Variants in CYRIB observed in about 807,000 individuals in gnomAD.
The protein encoded by CYRIB is CYFIP related Rac1 interactor B.
A neutral mutation model predicts 44.2 loss-of-function variants in CYRIB; 8 were observed. The observed-to-expected ratio is 0.18, with a 90% confidence interval of 0.11 to 0.33. CYRIB has a LOEUF of 0.33. CYRIB is among the 10% of genes least tolerant of loss of function. The pLI is 1.00. For missense variants in CYRIB, 185 were observed against 382.8 expected, an observed-to-expected ratio of 0.48 and a Z score of 4.31; for synonymous variants, 131 against 127.2, an observed-to-expected ratio of 1.03 and a Z score of -0.20.
rs1026254005 is a variant in CYRIB at position 130,004,640 on chromosome 8, C to T, written c.-296+11730G>A. 1.9e-4 allele frequency: 29 copies of T among 151,668 alleles called. 1 individual carries two copies. Among genetic ancestry groups the T allele is most frequent in the Admixed American group, 1.9e-3 (29 of 15,180 alleles). 9.4% of individuals were successfully genotyped at this position (151,668 alleles called of 1,614,324 possible). A position where few individuals can be genotyped will look rare whatever the true frequency, so the allele number is the denominator to read the frequency against. The stretch of plus-strand genomic sequence containing the variant: ...TTGTATATTGTGCATTGTACTTTAT[C>T]GTATATTGTCTACTGCAGTTTCTTT... On this transcript the variant is annotated intron_variant, in intron 1 of 14. Transcript: ENST00000401979.
chr8:129,940,121 C>T (rs1475851796), upstream of CYRIB, among the ~76,000 whole-genome samples: 4 of 152,278 alleles, frequency 2.6e-5, no homozygotes, highest in East Asian at 3.9e-4. Context: ...GGTCTTCCAG[C>T]CTTCCAGATG....
At chr8:129,880,535 G>T in intron 2 of CYRIB, 2 of 634,206 alleles carry the variant, frequency 3.2e-6, no homozygotes, top group Non-Finnish European at 3.9e-6. Context: ...GCAAAGGCTG[G>T]CTTGCTCATA....
chr8:129,959,646 G>A (rs765014746), intron 2 of CYRIB, among the ~76,000 whole-genome samples: 2 of 152,086 alleles, frequency 1.3e-5, no homozygotes, highest in Non-Finnish European at 2.9e-5. Flanking sequence ...AAAGGTGAGT[G>A]TCTAATAAGA....
chr8:129,971,879 CCA>C (rs1466710571), intron 1 of CYRIB, among the ~76,000 whole-genome samples: 1 of 152,194 alleles, frequency 6.6e-6, no homozygotes, highest in Non-Finnish European at 1.5e-5. Flanking sequence ...TTTCATAAAA[CCA>C]CAGTTAACAT....
upstream of CYRIB, among the ~76,000 whole-genome samples, chr8:129,944,042 T>G (rs2093960791): frequency 6.6e-6 from 1 of 151,442 alleles, no homozygotes. Flanking sequence ...ACACTGAGAT[T>G]GTAAAGGACA....
chr8:129,980,329 C>T (rs540193560), intron 1 of CYRIB, among the ~76,000 whole-genome samples: 5 of 151,862 alleles, frequency 3.3e-5, no homozygotes, highest in Admixed American at 6.6e-5. Flanking sequence ...CTGATTTTTG[C>T]GGTGGGGGAG....
At chr8:129,904,047 C>T (rs1392532929) in intron 1 of CYRIB, among the ~76,000 whole-genome samples, 1 of 152,134 alleles carries the variant, frequency 6.6e-6, no homozygotes, top group Non-Finnish European at 1.5e-5. Context: ...AGCCACCATG[C>T]CGGGCTTGGT....
At chr8:129,939,053 G>A (rs1365252104) in intron 1 of CYRIB, among the ~76,000 whole-genome samples, 1 of 152,198 alleles carries the variant, frequency 6.6e-6, no homozygotes, top group East Asian at 1.9e-4. Flanking sequence ...ATCTGGCCGC[G>A]CAGGTGGAAG....
At chr8:129,991,167 C>T (rs935342614) in intron 1 of CYRIB, among the ~76,000 whole-genome samples, 5 of 148,762 alleles carry the variant, frequency 3.4e-5, no homozygotes, top group African/African-American at 7.4e-5. Flanking sequence ...GTACAACAGG[C>T]GAGGAGTTGA....
At chr8:129,947,694 T>C (rs1810756145) in intron 2 of CYRIB, 1 of 152,208 alleles carries the variant, frequency 6.6e-6, no homozygotes, top group African/African-American at 2.4e-5. Flanking sequence ...ACACCCATGA[T>C]CCAACCACCC....
At position 129,879,383 on chromosome 8, in the gene CYRIB, T is replaced by C; in HGVS notation, c.73+6A>G. 1 of 1,597,128 alleles carries C rather than the reference T, an allele frequency of 6.3e-7. No homozygotes were observed. Among genetic ancestry groups the C allele is most frequent in the Non-Finnish European group, 8.6e-7 (1 of 1,166,460 alleles). On this transcript the variant is annotated splice_donor_region_variant and intron_variant, in intron 3 of 11. Transcript: ENST00000519824. ...AAGAGAAATAGATATAAAATCATCT[T>C]CTCACTTTCAAAATCAAGGAAAAAA... is the stretch of plus-strand genomic sequence containing the variant.
intron 1 of CYRIB, among the ~76,000 whole-genome samples, chr8:130,009,520 G>A (rs963694537): frequency 1.1e-4 from 16 of 152,108 alleles, no homozygotes; most frequent in African/African-American, 1.7e-4. Context: ...CACCCGCCTC[G>A]GCCTTCCAAA....
At chr8:129,986,649 C>T (rs996569483) in intron 1 of CYRIB, among the ~76,000 whole-genome samples, 2 of 152,210 alleles carry the variant, frequency 1.3e-5, no homozygotes, top group Non-Finnish European at 2.9e-5. Context: ...ATGCTCTGCA[C>T]AGCCTCGGGA....
chr8:129,952,943 A>G (rs1441608317), intron 2 of CYRIB, among the ~76,000 whole-genome samples: 1 of 152,218 alleles, frequency 6.6e-6, no homozygotes, highest in East Asian at 1.9e-4. Flanking sequence ...AACACTTGGA[A>G]CTGTTACGTG....
At chr8:129,920,939 C>G (rs2083248777) in intron 1 of CYRIB, among the ~76,000 whole-genome samples, 1 of 152,006 alleles carries the variant, frequency 6.6e-6, no homozygotes. Flanking sequence ...GACCTTGCTT[C>G]CTTGAATTAA....
intron 2 of CYRIB, among the ~76,000 whole-genome samples, chr8:129,900,923 C>T (rs1295084707): frequency 2.6e-5 from 4 of 152,188 alleles, no homozygotes; most frequent in African/African-American, 9.7e-5. Flanking sequence ...ATCCACCCAC[C>T]TCGGCCACCC....
chr8:129,935,975 C>T (rs2092723557), intron 1 of CYRIB, among the ~76,000 whole-genome samples: 1 of 152,098 alleles, frequency 6.6e-6, no homozygotes, highest in Admixed American at 6.5e-5. Flanking sequence ...ACAAATGTGA[C>T]TCATTTGCAT....
intron 11 of CYRIB, 64 bp from the exon 14 acceptor site, chr8:129,842,269 CTAAT>C: frequency 8.8e-7 from 1 of 1,137,332 alleles, no homozygotes; most frequent in African/African-American, 1.5e-5. Flanking sequence ...ATCGGGTTCT[CTAAT>C]TATGACAGGA....
At chr8:129,925,078 A>G (rs1564015570) in intron 1 of CYRIB, among the ~76,000 whole-genome samples, 3 of 152,184 alleles carry the variant, frequency 2.0e-5, no homozygotes, top group Non-Finnish European at 4.4e-5. Context: ...ATGTGCTATC[A>G]GAGAGCTTAG....
Sources: gnomAD v4.1 joint callset for allele counts (sites outside exome capture counted in the v4.1 genomes callset) on GRCh38, gnomAD v4.1.1 for gene constraint, MANE v1.5 for transcripts, NCBI Gene and HGNC (gene_info 2026-07-23, HGNC 2026-07-21) for gene names.